Variants in DGKB observed in about 807,000 individuals in gnomAD.
The protein encoded by DGKB is 90 kDa diacylglycerol kinase.
Under a neutral mutation model 114.3 loss-of-function variants are expected in DGKB, and 67 were observed. The ratio of observed to expected loss-of-function variants is 0.59; its 90% CI spans 0.48 to 0.72. The LOEUF is 0.72. Ranked by LOEUF, DGKB falls within the 30% of genes least tolerant of loss-of-function variation. The pLI is 0.00. For missense variants in DGKB, 907 were observed against 975.2 expected, an observed-to-expected ratio of 0.93 and a Z score of 0.93; for synonymous variants, 398 against 323.1, an observed-to-expected ratio of 1.23 and a Z score of -2.49.
chr7:14,792,452 A>G (rs1296431898), intron 2 of DGKB, among the ~76,000 whole-genome samples: 1 of 152,102 alleles, frequency 6.6e-6, no homozygotes, highest in Non-Finnish European at 1.5e-5. Flanking sequence ...GCAAGTCTCA[A>G]CTCAAGTAGG....
chr7:14,736,355 T>C (rs983592301), intron 4 of DGKB, among the ~76,000 whole-genome samples, 161 bp from the exon 5 acceptor site: 3 of 152,194 alleles, frequency 2.0e-5, no homozygotes, highest in South Asian at 2.1e-4. Context: ...TGGGCCGTCC[T>C]GGGCTAACAC....
chr7:14,408,703 C>A (rs773504795), intron 21 of DGKB, among the ~76,000 whole-genome samples: 2 of 151,988 alleles, frequency 1.3e-5, no homozygotes, highest in Non-Finnish European at 2.9e-5. Flanking sequence ...TGAATCCAAG[C>A]TTTAAAAACA....
chr7:14,215,245 A>T (rs986271062), intron 23 of DGKB, among the ~76,000 whole-genome samples: 1 of 152,158 alleles, frequency 6.6e-6, no homozygotes, highest in African/African-American at 2.4e-5. Context: ...TCCCATAAGA[A>T]AGGAACCTGT....
rs187941667 is a variant in DGKB, at chr7:14,791,673, G to A, written c.71-33942C>T. Among the ~76,000 whole-genome samples, 298 of 152,136 alleles carry A rather than the reference G, an allele frequency of 2.0e-3. 3 individuals carry two copies. The highest frequency in any genetic ancestry group is 0.01 in the Middle Eastern group (3 of 292). On this transcript the variant is annotated intron_variant, in intron 2 of 25. Transcript: ENST00000402815. ...TTTGTCAGATACATTTTCTGTACTT[G>A]TTAATATAATTATGAAATTTTTATT...
intron 23 of DGKB, among the ~76,000 whole-genome samples, chr7:14,297,540 T>C (rs959292825): frequency 6.6e-6 from 1 of 152,156 alleles, no homozygotes; most frequent in Non-Finnish European, 1.5e-5. Context: ...AAGTAGATAT[T>C]GATGAAACGT....
At chr7:14,568,360 T>A (rs1797902608) in intron 20 of DGKB, among the ~76,000 whole-genome samples, 1 of 152,164 alleles carries the variant, frequency 6.6e-6, no homozygotes, top group Admixed American at 6.5e-5. Context: ...TAGTTATTGA[T>A]CAATTTCCCT....
At chr7:14,886,203 G>A (rs567954195) in intron 1 of DGKB, among the ~76,000 whole-genome samples, 2 of 151,822 alleles carry the variant, frequency 1.3e-5, no homozygotes, top group Admixed American at 6.6e-5. Flanking sequence ...AAGATTAAAA[G>A]ATAGAATTTC....
At chr7:14,689,988 G>A (rs1427153592) in intron 9 of DGKB, among the ~76,000 whole-genome samples, 1 of 152,168 alleles carries the variant, frequency 6.6e-6, no homozygotes, top group Non-Finnish European at 1.5e-5. Context: ...CATATAGTGA[G>A]ACCAAAGTAT....
rs28405759 is a variant in DGKB at position 14,698,017 on chromosome 7, G to A, written c.591+78C>T. 212 of 676,406 alleles carry A rather than the reference G, an allele frequency of 3.1e-4. 1 individual carries two copies. Among genetic ancestry groups the A allele is most frequent in the South Asian group, 2.0e-3 (102 of 50,992 alleles). 41.9% of individuals were successfully genotyped at this position (676,406 alleles called of 1,614,324 possible). The stretch of plus-strand genomic sequence containing the variant: ...AGAAAAAAAGAAAGAAAGAAAGAAA[G>A]AGAAAGAAAGAAAGAAAGAAAAGAA... On this transcript the variant is annotated intron_variant, in intron 8 of 25. Coordinates refer to ENST00000402815, the MANE Select transcript of DGKB (RefSeq NM_001350709.2).
At chr7:14,698,667 T>G (rs1458106038) in intron 7 of DGKB, among the ~76,000 whole-genome samples, 1 of 152,142 alleles carries the variant, frequency 6.6e-6, no homozygotes, top group Admixed American at 6.5e-5. Context: ...GGGCCAAGGT[T>G]TGCAGGACAA....
chr7:14,798,355 A>G (rs917628297), intron 2 of DGKB, among the ~76,000 whole-genome samples: 4 of 152,154 alleles, frequency 2.6e-5, no homozygotes, highest in Non-Finnish European at 5.9e-5. Context: ...TCCCTCTCCC[A>G]TAAGCTATTT....
chr7:14,192,944 C>T (rs73065785), intron 23 of DGKB, among the ~76,000 whole-genome samples: 3,088 of 152,010 alleles, frequency 0.02, 41 homozygotes, highest in Middle Eastern at 0.045. Context: ...CCCTTGCATG[C>T]GCAGTTCACA....
intron 1 of DGKB, among the ~76,000 whole-genome samples, chr7:14,912,428 G>A (rs1436103410): frequency 1.3e-5 from 2 of 152,136 alleles, no homozygotes; most frequent in Non-Finnish European, 2.9e-5. Flanking sequence ...CATTTAGAGT[G>A]TGCCTCAGAG....
intron 1 of DGKB, among the ~76,000 whole-genome samples, chr7:14,954,336 T>C (rs915706297): frequency 6.6e-6 from 1 of 151,948 alleles, no homozygotes; most frequent in South Asian, 2.1e-4. Flanking sequence ...AAGATGAAAA[T>C]GCTTGGAGAA....
chr7:14,794,350 G>A (rs1079947), intron 2 of DGKB, among the ~76,000 whole-genome samples: 64,622 of 151,828 alleles, frequency 0.43, 16,164 homozygotes, highest in African/African-American at 0.7. Flanking sequence ...AAATTTTTAT[G>A]GAGATATAGA....
At chr7:14,669,490 A>T (rs1357527134) in intron 13 of DGKB, among the ~76,000 whole-genome samples, 1 of 152,022 alleles carries the variant, frequency 6.6e-6, no homozygotes, top group African/African-American at 2.4e-5. Context: ...AAATCACTCA[A>T]CTCTACTCAA....
intron 23 of DGKB, among the ~76,000 whole-genome samples, chr7:14,256,341 C>T (rs77088397): frequency 0.015 from 2,315 of 151,976 alleles, 49 homozygotes; most frequent in African/African-American, 0.053. Context: ...ATATTGATTT[C>T]TCAGCTCATT....
chr7:14,618,893 T>C (rs1414527380), intron 15 of DGKB, among the ~76,000 whole-genome samples: 1 of 151,484 alleles, frequency 6.6e-6, no homozygotes, highest in Non-Finnish European at 1.5e-5. Context: ...ACATACTTTT[T>C]AAAGCTCATG....
chr7:14,818,133 T>C (rs924138840), intron 2 of DGKB, among the ~76,000 whole-genome samples: 1 of 152,130 alleles, frequency 6.6e-6, no homozygotes, highest in African/African-American at 2.4e-5. Context: ...TGTGAATTCT[T>C]AAGAGCCTTA....
Sources: allele counts gnomAD v4.1 joint callset (sites outside exome capture counted in the v4.1 genomes callset), GRCh38; gene constraint gnomAD v4.1.1; transcripts MANE v1.5; gene names NCBI Gene and HGNC (gene_info 2026-07-23, HGNC 2026-07-21).